The following PRKD1 variants were observed in gnomAD, a reference collection of about 807,000 sequenced individuals.
PRKD1 encodes the protein serine/threonine-protein kinase D1.
A neutral mutation model predicts 95.9 loss-of-function variants in PRKD1; 63 were observed. The ratio of observed to expected loss-of-function variants is 0.66; its 90% CI spans 0.54 to 0.81. The LOEUF (loss-of-function observed/expected upper bound fraction) is 0.81. Among genes scored for constraint, PRKD1 ranks in the 30% least tolerant of loss-of-function variants. PRKD1 has a pLI of 0.00. For missense variants in PRKD1, 1,048 were observed against 1,165.3 expected, an observed-to-expected ratio of 0.90 and a Z score of 1.47; for synonymous variants, 425 against 423.1, an observed-to-expected ratio of 1.00 and a Z score of -0.05.
At chr14:29,792,438 C>A (rs921326216) in intron 1 of PRKD1, among the ~76,000 whole-genome samples, 1 of 152,124 alleles carries the variant, frequency 6.6e-6, no homozygotes, top group African/African-American at 2.4e-5. Flanking sequence ...TTAGTTAACA[C>A]TGTGAACATT....
chr14:29,888,555 A>G (rs1893822012), intron 1 of PRKD1, among the ~76,000 whole-genome samples: 1 of 152,218 alleles, frequency 6.6e-6, no homozygotes, highest in South Asian at 2.1e-4. Flanking sequence ...TCAAACCTAC[A>G]TGATATAATT....
At chr14:29,804,705 G>C (rs1890167523) in intron 1 of PRKD1, among the ~76,000 whole-genome samples, 1 of 152,080 alleles carries the variant, frequency 6.6e-6, no homozygotes, top group South Asian at 2.1e-4. Flanking sequence ...ATCATCCCCT[G>C]AGACAAACCT....
chr14:29,797,879 C>A (rs1162588959), intron 1 of PRKD1, among the ~76,000 whole-genome samples: 2 of 152,110 alleles, frequency 1.3e-5, no homozygotes, highest in Non-Finnish European at 2.9e-5. Context: ...GTGGTTAATA[C>A]CAACATCCTG....
chr14:29,748,103 CAT>C (rs776802189), intron 1 of PRKD1, among the ~76,000 whole-genome samples: 33 of 152,102 alleles, frequency 2.2e-4, no homozygotes, highest in Admixed American at 6.6e-4. Context: ...CTTTTTGTAA[CAT>C]GTGTGTGAGC....
chr14:29,624,064 A>G (rs2139089902), intron 13 of PRKD1, 88 bp downstream of exon 13: 1 of 905,634 alleles, frequency 1.1e-6, no homozygotes, highest in East Asian at 2.6e-5. Flanking sequence ...TTTATGCCAC[A>G]GGTTTTTAGA....
intron 1 of PRKD1, among the ~76,000 whole-genome samples, chr14:29,770,080 G>T (rs1030421116): frequency 6.6e-6 from 1 of 152,178 alleles, no homozygotes; most frequent in Non-Finnish European, 1.5e-5. Context: ...GTGGCCAGAA[G>T]GCGCCACCTA....
Position 29,665,136 on chromosome 14 carries a change from C to G in PRKD1, c.535+941G>C, listed in dbSNP as rs112278736. Among the ~76,000 whole-genome samples, 661 of 152,272 alleles carry G rather than the reference C, an allele frequency of 4.3e-3. 4 individuals carry two copies. The highest frequency in any genetic ancestry group is 0.015 in the African/African-American group (620 of 41,566). ...GAACAGAAGAGAATCCATGTACCCCCTAAATGCCTGGAAGATACTTCGGGG... is the reference window on the plus strand; with the variant it reads ...GAACAGAAGAGAATCCATGTACCCCGTAAATGCCTGGAAGATACTTCGGGG... On this transcript the variant is annotated intron_variant, in intron 3 of 17. Coordinates refer to ENST00000331968, the MANE Select transcript of PRKD1 (RefSeq NM_002742.3).
chr14:29,909,209 C>T (rs1440740638), intron 1 of PRKD1, among the ~76,000 whole-genome samples: 16 of 152,108 alleles, frequency 1.1e-4, no homozygotes, highest in South Asian at 2.1e-4. Flanking sequence ...CTTGAATTCT[C>T]GCAGGGCCTC....
chr14:29,779,995 C>G (rs2139165106), intron 1 of PRKD1, among the ~76,000 whole-genome samples: 1 of 152,284 alleles, frequency 6.6e-6, no homozygotes, highest in East Asian at 1.9e-4. Context: ...ACATCTACAA[C>G]CATCTGATCT....
chr14:29,910,853 T>G (rs558033554), intron 1 of PRKD1, among the ~76,000 whole-genome samples: 1 of 152,268 alleles, frequency 6.6e-6, no homozygotes, highest in African/African-American at 2.4e-5. Context: ...GCTAAAAGCC[T>G]TGGTGTTTGT....
chr14:29,861,979 T>C (rs150852954), intron 1 of PRKD1, among the ~76,000 whole-genome samples: 1 of 152,260 alleles, frequency 6.6e-6, no homozygotes, highest in African/African-American at 2.4e-5. Flanking sequence ...TCATTCATTC[T>C]AACTATTCTT....
At chr14:29,785,839 A>G (rs564606184) in intron 1 of PRKD1, among the ~76,000 whole-genome samples, 1 of 144,994 alleles carries the variant, frequency 6.9e-6, no homozygotes. Flanking sequence ...AAAATAAAAT[A>G]AATAAATAAA....
At chr14:29,742,394 G>C (rs1887018595) in intron 1 of PRKD1, among the ~76,000 whole-genome samples, 1 of 152,158 alleles carries the variant, frequency 6.6e-6, no homozygotes, top group Admixed American at 6.5e-5. Context: ...TTCTATGCTT[G>C]TATTAAAAGG....
At chr14:29,826,748 T>TATATATAC (rs1891167994) in intron 1 of PRKD1, among the ~76,000 whole-genome samples, 1 of 30,182 alleles carries the variant, frequency 3.3e-5, no homozygotes, top group African/African-American at 1.7e-4. Flanking sequence ...TATATACACA[T>TATATATAC]ATATATATAC....
At chr14:29,912,221 A>G (rs1226381884) in intron 1 of PRKD1, among the ~76,000 whole-genome samples, 1 of 152,232 alleles carries the variant, frequency 6.6e-6, no homozygotes, top group Non-Finnish European at 1.5e-5. Context: ...CCTATAAGGT[A>G]ACATTCAAAG....
intron 11 of PRKD1, 40 bp from the exon 12 acceptor site, chr14:29,626,596 A>C (rs1879640789): frequency 3.0e-6 from 4 of 1,347,830 alleles, no homozygotes; most frequent in Non-Finnish European, 4.1e-6. Context: ...CATGAAGCAG[A>C]ACAAAACATT....
At chr14:29,700,594 G>A (rs117487048) in intron 2 of PRKD1, among the ~76,000 whole-genome samples, 2,031 of 152,184 alleles carry the variant, frequency 0.013, 26 homozygotes, top group African/African-American at 0.025. Flanking sequence ...TTTGTGTGAC[G>A]GTTAATCTTA....
At chr14:29,672,345 A>AT (rs1450149825) in intron 2 of PRKD1, among the ~76,000 whole-genome samples, 22 of 149,674 alleles carry the variant, frequency 1.5e-4, no homozygotes, top group African/African-American at 5.1e-4. Flanking sequence ...TGTCTCAAAA[A>AT]AAAAATAAAA....
At chr14:29,832,969 G>A (rs932815329) in intron 1 of PRKD1, among the ~76,000 whole-genome samples, 8 of 151,656 alleles carry the variant, frequency 5.3e-5, no homozygotes, top group Admixed American at 2.6e-4. Context: ...TTTTATTACC[G>A]AGGTAACCTC....
Sources: allele counts gnomAD v4.1 joint callset (sites outside exome capture counted in the v4.1 genomes callset), GRCh38; gene constraint gnomAD v4.1.1; transcripts MANE v1.5; gene names NCBI Gene and HGNC (gene_info 2026-07-23, HGNC 2026-07-21).